The following MMP26 variants were observed in gnomAD, a reference collection of about 807,000 sequenced individuals.
MMP26 encodes the protein matrix metalloproteinase-26.
A neutral mutation model predicts 31.0 loss-of-function variants in MMP26; 33 were observed. The observed-to-expected ratio is 1.06, with a 90% CI of 0.81 to 1.42. The LOEUF (loss-of-function observed/expected upper bound fraction) is 1.42. Ranked by LOEUF, MMP26 falls within the 40% of genes most tolerant of loss-of-function variation. The pLI, the probability that MMP26 is intolerant of heterozygous loss-of-function variation, is 0.00. For missense variants in MMP26, 347 were observed against 316.1 expected, an observed-to-expected ratio of 1.10 and a Z score of -0.74; for synonymous variants, 122 against 114.9, an observed-to-expected ratio of 1.06 and a Z score of -0.40.
chr11:4,908,429 G>A (rs1850940218), intron 2 of MMP26: 7 of 824,450 alleles, frequency 8.5e-6, no homozygotes, highest in South Asian at 4.3e-5. Flanking sequence ...AAGCTATGTA[G>A]TGCAGAATTT....
intron 2 of MMP26, among the ~76,000 whole-genome samples, chr11:4,892,558 G>A (rs1850640298): frequency 1.3e-5 from 2 of 152,194 alleles, no homozygotes; most frequent in Non-Finnish European, 2.9e-5. Flanking sequence ...ACCAAGCACA[G>A]TTCTTGGCAA....
intron 2 of MMP26, among the ~76,000 whole-genome samples, chr11:4,781,794 G>A (rs1221064924): frequency 6.6e-6 from 1 of 152,074 alleles, no homozygotes; most frequent in Non-Finnish European, 1.5e-5. Context: ...ATTGAATTAT[G>A]GGGGCAGGTC....
chr11:4,978,796 G>T lies in MMP26; in HGVS notation c.-144-9272G>T, dbSNP rs539352858. Among the ~76,000 whole-genome samples the T allele has an allele frequency of 7.9e-5, 12 of 152,154 alleles. No homozygotes were observed. The South Asian group carries it at 2.5e-3, about 32-fold the overall frequency. ...AGAACAAAAGGATTACGTTGTTAGG[G>T]TCCTACCTTCTCCTATTTTCCCAAC... On this transcript the variant is annotated intron_variant, in intron 2 of 7. Coordinates refer to ENST00000380390, the MANE Select transcript of MMP26 (RefSeq NM_021801.5).
intron 2 of MMP26, chr11:4,860,696 T>G (rs772849008): frequency 2.8e-5 from 9 of 324,092 alleles, no homozygotes; most frequent in Non-Finnish European, 4.2e-5. Flanking sequence ...AAGAATAAAG[T>G]TAAAAAACAT....
At chr11:4,976,699 G>T (rs758755178) in intron 2 of MMP26, among the ~76,000 whole-genome samples, 8 of 151,988 alleles carry the variant, frequency 5.3e-5, no homozygotes, top group Non-Finnish European at 1.2e-4. Flanking sequence ...AAGCCCACAG[G>T]TCTTTTCTTT....
At chr11:4,894,767 G>C (rs1850676540) in intron 2 of MMP26, among the ~76,000 whole-genome samples, 1 of 151,906 alleles carries the variant, frequency 6.6e-6, no homozygotes, top group African/African-American at 2.4e-5. Context: ...AAGAAGAGAG[G>C]GTAGCTAATT....
At chr11:4,771,385 CTGTGAAGTATT>C (rs561882665) in intron 2 of MMP26, among the ~76,000 whole-genome samples, 121 of 152,198 alleles carry the variant, frequency 8.0e-4, no homozygotes, top group Non-Finnish European at 1.5e-3. Flanking sequence ...ACCTTTTTCT[CTGTGAAGTATT>C]TGGGGGTAAT....
intron 1 of MMP26, among the ~76,000 whole-genome samples, chr11:4,761,608 G>C (rs779127894): frequency 7.9e-5 from 12 of 152,178 alleles, no homozygotes; most frequent in African/African-American, 1.9e-4. Context: ...ATTGACCCAG[G>C]AAGTTTGTGT....
At chr11:4,866,403 A>C (rs1274958619) in intron 2 of MMP26, among the ~76,000 whole-genome samples, 1 of 152,180 alleles carries the variant, frequency 6.6e-6, no homozygotes, top group East Asian at 1.9e-4. Context: ...TGTTTATAAC[A>C]AAAACCTATG....
intron 2 of MMP26, among the ~76,000 whole-genome samples, chr11:4,924,893 C>G (rs559996152): frequency 6.6e-6 from 1 of 152,296 alleles, no homozygotes; most frequent in South Asian, 2.1e-4. Flanking sequence ...GTATCCAGGT[C>G]TGTTCCTGTA....
intron 2 of MMP26, chr11:4,849,310 T>A (rs1849939670): frequency 7.7e-7 from 1 of 1,290,502 alleles, no homozygotes; most frequent in Non-Finnish European, 1.1e-6. Context: ...ATAGCCTGCA[T>A]CTTCCCTTCC....
At chr11:4,802,570 A>T (rs910402279) in intron 2 of MMP26, among the ~76,000 whole-genome samples, 4 of 152,198 alleles carry the variant, frequency 2.6e-5, no homozygotes, top group Admixed American at 2.0e-4. Flanking sequence ...TGTGATAAGT[A>T]CTAGGTGAAC....
chr11:4,912,866 G>A (rs929307997), intron 2 of MMP26: 3 of 151,128 alleles, frequency 2.0e-5, no homozygotes, highest in Non-Finnish European at 2.9e-5. Context: ...ATTAACTTAC[G>A]TCTCACTTCT....
rs369211873 is a variant in MMP26 at position 4,958,331 on chromosome 11, C to G, written c.-144-29737C>G. Among the ~76,000 whole-genome samples, 96 of 152,316 alleles carry G rather than the reference C, an allele frequency of 6.3e-4. 2 individuals carry two copies. The South Asian group carries it at 0.02, about 32-fold the overall frequency. ...ACAATAAAGCTCACCCTTTTTCTAT[C>G]GTATCTCACTCTTTTTATTTTTTGC... On this transcript the variant is annotated intron_variant, in intron 2 of 7. Coordinates refer to ENST00000380390, the MANE Select transcript of MMP26 (RefSeq NM_021801.5).
At chr11:4,786,250 T>A (rs1848942096) in intron 2 of MMP26, among the ~76,000 whole-genome samples, 2 of 152,098 alleles carry the variant, frequency 1.3e-5, no homozygotes, top group South Asian at 4.1e-4. Flanking sequence ...TCTTTCTGGA[T>A]CTGATTCTAG....
chr11:4,740,080 T>C lies in MMP26; in HGVS notation c.-216-27190T>C, dbSNP rs184281324. Among the ~76,000 whole-genome samples the C allele has an allele frequency of 4.9e-4, 74 of 151,974 alleles. 1 individual carries two copies. Among genetic ancestry groups the C allele is most frequent in the Middle Eastern group, 3.4e-3 (1 of 294 alleles). ...ATGAAGTGATTCTTGTTCCATTAAC[T>C]GCATATTTGACGGAAGAGTATATTA... is the stretch of plus-strand genomic sequence containing the variant. On this transcript the variant is annotated intron_variant, in intron 1 of 7. Transcript: ENST00000380390.
At position 4,945,836 on chromosome 11, in the gene MMP26, T is replaced by C. The variant is rs1846290576; in HGVS notation, c.-144-42232T>C. 5 of 350,268 alleles carry C rather than the reference T, an allele frequency of 1.4e-5. No homozygotes were observed. In the East Asian group the frequency reaches 2.1e-4, roughly 14 times the overall value. The allele number at this position is 350,268 out of a possible 1,614,324, so 21.7% of individuals were successfully genotyped here. ...CATTAAAAGAACTTGGTATAAGAGA[T>C]TGAATGTAGATAATGAGAAATCCAA... On this transcript the variant is annotated intron_variant, in intron 2 of 7. Coordinates refer to ENST00000380390, the MANE Select transcript of MMP26 (RefSeq NM_021801.5).
intron 2 of MMP26, among the ~76,000 whole-genome samples, chr11:4,800,195 T>A (rs1849162797): frequency 1.3e-5 from 2 of 152,234 alleles, no homozygotes; most frequent in African/African-American, 2.4e-5. Flanking sequence ...CTGTTAGTGT[T>A]CTTCCCCTGC....
chr11:4,943,350 GT>G, intron 2 of MMP26: 1 of 353,052 alleles, frequency 2.8e-6, no homozygotes, highest in African/African-American at 2.1e-5. Flanking sequence ...AGTTTTCTCA[GT>G]TTTTCACTGG....
Sources: gnomAD v4.1 joint callset for allele counts (sites outside exome capture counted in the v4.1 genomes callset) on GRCh38, gnomAD v4.1.1 for gene constraint, MANE v1.5 for transcripts, NCBI Gene and HGNC (gene_info 2026-07-23, HGNC 2026-07-21) for gene names.